The following B4GALNT3 variants were observed in gnomAD, a reference collection of about 807,000 sequenced individuals.
B4GALNT3 encodes the protein beta-1,4-N-acetylgalactosaminyltransferase 3.
A neutral mutation model predicts 120.2 loss-of-function variants in B4GALNT3; 86 were observed. The ratio of observed to expected loss-of-function variants is 0.72; its 90% CI spans 0.60 to 0.86. The LOEUF (loss-of-function observed/expected upper bound fraction) is 0.86, where lower values mean the gene tolerates loss of function less well. B4GALNT3 is among the 40% of genes least tolerant of loss of function. B4GALNT3 has a pLI of 0.00. For synonymous variants in B4GALNT3, 518 were observed against 510.4 expected, an observed-to-expected ratio of 1.01 and a Z score of -0.20; for missense variants, 1,167 against 1,298.9, an observed-to-expected ratio of 0.90 and a Z score of 1.56.
intron 1 of B4GALNT3, among the ~76,000 whole-genome samples, chr12:511,819 CCTTCCACCTTCCACCTT>C (rs1430901309): frequency 0.015 from 1,103 of 72,134 alleles, 22 homozygotes; most frequent in Non-Finnish European, 0.024. Context: ...CCTTCTTCCA[CCTTCCACCTTCCACCTT>C]CTTCCACCTT....
At chr12:468,011 ATTT>A (rs1370969739) in intron 1 of B4GALNT3, among the ~76,000 whole-genome samples, 2 of 152,062 alleles carry the variant, frequency 1.3e-5, no homozygotes, top group African/African-American at 2.4e-5. Context: ...TATGATCTGT[ATTT>A]TTCTACTAAT....
rs7966590 is a variant in B4GALNT3, at chr12:461,674, G to C, written c.169+1129G>C. ...GATACTCTGACTCTGACCTGTCGTC[G>C]TGTCAGCTTCTCTACCCAGAGTTGG... On this transcript the variant is annotated intron_variant, in intron 1 of 19. Transcript: ENST00000266383. 3.1e-3 allele frequency among the ~76,000 whole-genome samples: 469 copies of C among 152,100 alleles called. 3 individuals carry two copies. Among genetic ancestry groups the C allele is most frequent in the Middle Eastern group, 0.01 (3 of 294 alleles).
At chr12:518,123 A>C (rs1489605287) in intron 1 of B4GALNT3, among the ~76,000 whole-genome samples, 2 of 152,176 alleles carry the variant, frequency 1.3e-5, no homozygotes, top group Non-Finnish European at 2.9e-5. Context: ...CTGAATTATG[A>C]GGGTAGAGGG....
chr12:546,198 G>A (rs1427163299), intron 6 of B4GALNT3, among the ~76,000 whole-genome samples: 2 of 101,182 alleles, frequency 2.0e-5, no homozygotes, highest in Non-Finnish European at 4.2e-5. Flanking sequence ...TGGGCAGGGG[G>A]TGTGAGAGGA....
intron 1 of B4GALNT3, among the ~76,000 whole-genome samples, chr12:527,801 A>G (rs536707687): frequency 6.6e-6 from 1 of 152,152 alleles, no homozygotes; most frequent in East Asian, 1.9e-4. Context: ...CTCATGTCCA[A>G]TTCTCCAGCT....
chr12:548,457 C>G lies in B4GALNT3; in HGVS notation c.853+160C>G, dbSNP rs1270387040. ...CAGAACAAGAGTGGGACCTTATGAC[C>G]AGGAGTCCTTAACTCCCCAGGGTCA... On this transcript the variant is annotated intron_variant, in intron 9 of 19. Transcript: ENST00000266383. This position sits in a 1 kb window ranked among gnomAD's most constrained non-coding sequence, Gnocchi z 4.9. 6.6e-6 allele frequency among the ~76,000 whole-genome samples: 1 copy of G among 152,148 alleles called. No homozygotes were observed. The highest frequency in any genetic ancestry group is 2.4e-5 in the African/African-American group (1 of 41,424).
intron 1 of B4GALNT3, among the ~76,000 whole-genome samples, chr12:513,395 G>A (rs1480952108): frequency 6.6e-6 from 1 of 152,238 alleles, no homozygotes; most frequent in South Asian, 2.1e-4. Context: ...ATGCTAAACG[G>A]TGTGGGTTAT....
chr12:548,438 A>G lies in B4GALNT3; in HGVS notation c.853+141A>G, dbSNP rs577705199. On this transcript the variant is annotated intron_variant, in intron 9 of 19. Coordinates refer to ENST00000266383, the MANE Select transcript of B4GALNT3 (RefSeq NM_173593.4). This position sits in a 1 kb window ranked among gnomAD's most constrained non-coding sequence, Gnocchi z 4.9. ...ACACGGGTATGAAGGGGTCCAGAAC[A>G]AGAGTGGGACCTTATGACCAGGAGT... 7.0e-5 allele frequency: 52 copies of G among 739,808 alleles called. No homozygotes were observed. In the East Asian group the frequency reaches 1.3e-3, roughly 18 times the overall value. 45.8% of individuals were successfully genotyped at this position (739,808 alleles called of 1,614,324 possible).
chr12:489,675 T>C (rs1946323689), intron 1 of B4GALNT3, among the ~76,000 whole-genome samples: 2 of 152,216 alleles, frequency 1.3e-5, no homozygotes, highest in South Asian at 4.1e-4. Context: ...AGTTGAAGAC[T>C]TCAACATCTC....
At chr12:472,339 G>A (rs943774130) in intron 1 of B4GALNT3, among the ~76,000 whole-genome samples, 4 of 152,188 alleles carry the variant, frequency 2.6e-5, no homozygotes, top group African/African-American at 9.7e-5. Context: ...GGAGTTTGGT[G>A]GCATGATCAT....
At chr12:515,479 G>A (rs1027371107) in intron 1 of B4GALNT3, among the ~76,000 whole-genome samples, 1 of 152,150 alleles carries the variant, frequency 6.6e-6, no homozygotes, top group African/African-American at 2.4e-5. Context: ...TTTTAGGCGT[G>A]AGCCACCGCA....
At chr12:532,621 G>A (rs1946819105) in intron 1 of B4GALNT3, among the ~76,000 whole-genome samples, 1 of 152,130 alleles carries the variant, frequency 6.6e-6, no homozygotes, top group Non-Finnish European at 1.5e-5. Context: ...GGCAAGGGTG[G>A]GAGATGAGAA....
chr12:527,109 A>T (rs959276962), intron 1 of B4GALNT3, among the ~76,000 whole-genome samples: 6 of 151,820 alleles, frequency 4.0e-5, no homozygotes, highest in African/African-American at 1.2e-4. Flanking sequence ...TGTTTTTTTT[A>T]AAGAAACGAG....
intron 1 of B4GALNT3, among the ~76,000 whole-genome samples, chr12:478,927 G>A (rs2120463620): frequency 6.6e-6 from 1 of 152,342 alleles, no homozygotes; most frequent in East Asian, 1.9e-4. Context: ...GTGTCCTTAT[G>A]GACAATGGAA....
At chr12:551,974 C>T (rs1186365156) in intron 11 of B4GALNT3, 89 bp from the exon 12 acceptor site, 2 of 1,039,430 alleles carry the variant, frequency 1.9e-6, no homozygotes, top group Non-Finnish European at 3.0e-6. Context: ...CCTATGTGAT[C>T]CCAGCCAGGG....
At chr12:516,837 G>C (rs1034781669) in intron 1 of B4GALNT3, among the ~76,000 whole-genome samples, 14 of 152,158 alleles carry the variant, frequency 9.2e-5, no homozygotes, top group Non-Finnish European at 2.9e-5. Context: ...TGATGTCTAG[G>C]ACTGGAGTGG....
chr12:554,007 G>A (rs1440820978), intron 14 of B4GALNT3, 24 bp downstream of exon 14: 2 of 1,545,900 alleles, frequency 1.3e-6, no homozygotes, highest in South Asian at 1.1e-5. Context: ...CTCTCCTGGG[G>A]CCAGGGACTG....
At chr12:542,717 A>C (rs1303712593) in intron 3 of B4GALNT3, among the ~76,000 whole-genome samples, 1 of 152,188 alleles carries the variant, frequency 6.6e-6, no homozygotes, top group African/African-American at 2.4e-5. Context: ...CAGGGCCTCC[A>C]AGCCCAGTCC....
At chr12:494,258 GCAGA>G (rs896744064) in intron 1 of B4GALNT3, among the ~76,000 whole-genome samples, 14 of 149,490 alleles carry the variant, frequency 9.4e-5, no homozygotes, top group African/African-American at 3.5e-4. Flanking sequence ...AGCCTGGGCA[GCAGA>G]CAGAGTGAGA....
Sources: allele counts gnomAD v4.1 joint callset (sites outside exome capture counted in the v4.1 genomes callset), GRCh38; gene constraint gnomAD v4.1.1; non-coding constraint Gnocchi (gnomAD v3.1); transcripts MANE v1.5; gene names NCBI Gene and HGNC (gene_info 2026-07-23, HGNC 2026-07-21).